GRIA1: variants seen among roughly 807,000 people sequenced by gnomAD.
GRIA1 encodes glutamate receptor 1.
A neutral mutation model predicts 99.2 loss-of-function variants in GRIA1; 31 were observed. The ratio of observed to expected loss-of-function variants is 0.31; its 90% confidence interval spans 0.23 to 0.42. GRIA1 has a LOEUF of 0.42. Ranked by LOEUF, GRIA1 falls within the 10% of genes least tolerant of loss-of-function variation. The pLI, the probability that GRIA1 is intolerant of heterozygous loss-of-function variation, is 1.00. For missense variants in GRIA1, 782 were observed against 1,157.5 expected, an observed-to-expected ratio of 0.68 and a Z score of 4.71; for synonymous variants, 438 against 432.4, an observed-to-expected ratio of 1.01 and a Z score of -0.16.
At chr5:153,777,608 T>G (rs1170242981) in intron 13 of GRIA1, among the ~76,000 whole-genome samples, 1 of 152,220 alleles carries the variant, frequency 6.6e-6, no homozygotes, top group Admixed American at 6.5e-5. Flanking sequence ...AAAGTCACTT[T>G]TGAGCCAAAG....
rs903378194 is a variant in GRIA1 at position 153,750,467 on chromosome 5, C to T, written c.1824-13967C>T. On this transcript the variant is annotated intron_variant, in intron 11 of 15. Transcript: ENST00000285900. ...CCCCTTCCTCTTGGGGATGACACGACGTGTTTTTGAAATAAAGAAGAATGT... is the reference window on the plus strand; with the variant it reads ...CCCCTTCCTCTTGGGGATGACACGATGTGTTTTTGAAATAAAGAAGAATGT... Among the ~76,000 whole-genome samples the T allele has an allele frequency of 5.3e-5, 8 of 152,068 alleles. No individual in the cohort carries two copies. The East Asian group carries it at 7.7e-4, about 15-fold the overall frequency.
At chr5:153,673,664 T>A (rs1052104440) in intron 5 of GRIA1, among the ~76,000 whole-genome samples, 1 of 152,232 alleles carries the variant, frequency 6.6e-6, no homozygotes, top group African/African-American at 2.4e-5. Flanking sequence ...AGTTTCTTTA[T>A]CTGGCAAATA....
At chr5:153,508,496 A>G (rs1355155965) in intron 2 of GRIA1, among the ~76,000 whole-genome samples, 3 of 152,210 alleles carry the variant, frequency 2.0e-5, no homozygotes, top group Non-Finnish European at 2.9e-5. Flanking sequence ...GAGTGAGTGT[A>G]TATTCAAAGA....
At chr5:153,571,711 C>T (rs1441540716) in intron 2 of GRIA1, among the ~76,000 whole-genome samples, 1 of 152,080 alleles carries the variant, frequency 6.6e-6, no homozygotes, top group Non-Finnish European at 1.5e-5. Context: ...TCTCCTAACA[C>T]CATCAAATTT....
At chr5:153,510,693 T>C (rs1755982300) in intron 2 of GRIA1, among the ~76,000 whole-genome samples, 1 of 152,218 alleles carries the variant, frequency 6.6e-6, no homozygotes, top group Non-Finnish European at 1.5e-5. Context: ...TTAAGTTGCA[T>C]TGTTGATATT....
intron 10 of GRIA1, among the ~76,000 whole-genome samples, chr5:153,699,617 T>C (rs993663790): frequency 3.3e-5 from 5 of 152,186 alleles, no homozygotes; most frequent in Admixed American, 3.3e-4. Context: ...TGTTTCTTTC[T>C]TTCTTCTCAT....
At chr5:153,563,168 C>T (rs1190846881) in intron 2 of GRIA1, among the ~76,000 whole-genome samples, 14 of 143,740 alleles carry the variant, frequency 9.7e-5, no homozygotes, top group Non-Finnish European at 1.5e-4. Flanking sequence ...GAGCGAGACT[C>T]TGTCTCAAAA....
chr5:153,583,647 A>C (rs940657882), intron 2 of GRIA1, among the ~76,000 whole-genome samples: 1 of 152,166 alleles, frequency 6.6e-6, no homozygotes, highest in Non-Finnish European at 1.5e-5. Flanking sequence ...CTATTTCCAA[A>C]TAAGGTCACA....
At chr5:153,760,763 G>A (rs530399459) in intron 11 of GRIA1, among the ~76,000 whole-genome samples, 1 of 152,058 alleles carries the variant, frequency 6.6e-6, no homozygotes, top group Non-Finnish European at 1.5e-5. Context: ...CACACTACCT[G>A]ACTTCAAAAT....
chr5:153,672,980 C>T (rs2149483684), intron 5 of GRIA1, among the ~76,000 whole-genome samples: 1 of 152,320 alleles, frequency 6.6e-6, no homozygotes, highest in Non-Finnish European at 1.5e-5. Flanking sequence ...TTGTGCATTC[C>T]ATTTTTTTTC....
intron 13 of GRIA1, among the ~76,000 whole-genome samples, chr5:153,791,219 G>T (rs1765280432): frequency 6.6e-6 from 1 of 150,798 alleles, no homozygotes; most frequent in African/African-American, 2.4e-5. Context: ...AGGATTGCTT[G>T]AGGCCAGGAG....
chr5:153,736,806 G>T (rs1164080272), intron 11 of GRIA1, among the ~76,000 whole-genome samples: 1 of 151,984 alleles, frequency 6.6e-6, no homozygotes, highest in Non-Finnish European at 1.5e-5. Flanking sequence ...TATAGTGGAC[G>T]CTCTAATCCT....
intron 2 of GRIA1, among the ~76,000 whole-genome samples, chr5:153,552,467 A>G (rs17590185): frequency 0.47 from 70,912 of 151,890 alleles, 18,291 homozygotes; most frequent in Non-Finnish European, 0.59. Context: ...ACAGAGTTTG[A>G]AAGCTAAAGG....
At position 153,778,395 on chromosome 5, in the gene GRIA1, G is replaced by A. The variant is rs182915326; in HGVS notation, c.2270+7980G>A. On this transcript the variant is annotated intron_variant, in intron 13 of 15. Transcript: ENST00000285900. ...CGCTTTATTTAGCATTTTAGGGGTG[G>A]TGATAAGACTTGTTGTTAATATTAT... Among the ~76,000 whole-genome samples, 4 of 152,046 alleles carry A rather than the reference G, an allele frequency of 2.6e-5. No individual in the cohort carries two copies. In the East Asian group the frequency reaches 7.7e-4, roughly 29 times the overall value.
intron 2 of GRIA1, among the ~76,000 whole-genome samples, chr5:153,544,814 T>C (rs1036968874): frequency 1.3e-5 from 2 of 152,168 alleles, no homozygotes; most frequent in Non-Finnish European, 2.9e-5. Context: ...GCCAGTATTA[T>C]GATAAAGATA....
At chr5:153,672,931 T>C (rs1756300793) in intron 5 of GRIA1, among the ~76,000 whole-genome samples, 1 of 152,236 alleles carries the variant, frequency 6.6e-6, no homozygotes, top group Non-Finnish European at 1.5e-5. Flanking sequence ...GAGTGGAAGA[T>C]CTGCATGTGA....
At chr5:153,697,326 C>A (rs1719815270) in intron 8 of GRIA1, among the ~76,000 whole-genome samples, 1 of 152,204 alleles carries the variant, frequency 6.6e-6, no homozygotes, top group Admixed American at 6.5e-5. Flanking sequence ...CTCGTCAACC[C>A]TGCCTGACAA....
intron 2 of GRIA1, among the ~76,000 whole-genome samples, chr5:153,625,032 T>C (rs1767458026): frequency 1.3e-5 from 2 of 152,192 alleles, no homozygotes; most frequent in Admixed American, 1.3e-4. Context: ...ACAGAGAAGA[T>C]GCCTTGGCTA....
At chr5:153,561,628 T>A (rs1299906870) in intron 2 of GRIA1, among the ~76,000 whole-genome samples, 1 of 152,208 alleles carries the variant, frequency 6.6e-6, no homozygotes, top group Non-Finnish European at 1.5e-5. Flanking sequence ...AAAAAGCTTT[T>A]ACCTTGGCTT....
Sources: allele counts gnomAD v4.1 joint callset (sites outside exome capture counted in the v4.1 genomes callset), GRCh38; gene constraint gnomAD v4.1.1; transcripts MANE v1.5; gene names NCBI Gene and HGNC (gene_info 2026-07-23, HGNC 2026-07-21).